ARHGAP8: variants seen among roughly 807,000 people sequenced by gnomAD.
ARHGAP8 encodes Rho GTPase activating protein 8.
Under a neutral mutation model 46.1 loss-of-function variants are expected in ARHGAP8, and 62 were observed. That is an observed-to-expected ratio of 1.34 (90% CI 1.10 to 1.66). The LOEUF (loss-of-function observed/expected upper bound fraction) is 1.66, where lower values mean the gene tolerates loss of function less well. Among genes scored for constraint, ARHGAP8 ranks in the 40% most tolerant of loss-of-function variants. The pLI is 0.00. For synonymous variants in ARHGAP8, 375 were observed against 243.1 expected (o/e 1.54, Z -5.05); for missense variants, 923 against 568.4 (o/e 1.62, Z -6.34).
At position 44,862,561 on chromosome 22, in the gene ARHGAP8, C is replaced by T. The variant is rs573395597; in HGVS notation, c.1268C>T (p.Pro423Leu). 1.4e-4 allele frequency: 228 copies of T among 1,596,754 alleles called. No homozygotes were observed. Among genetic ancestry groups the T allele is most frequent in the East Asian group, 9.7e-4 (43 of 44,454 alleles). The change falls in exon 12 of 12, where the codon CCG becomes CTG. Residue 423 changes from proline to leucine, a missense_variant. Coordinates refer to ENST00000356099, the MANE Select transcript of ARHGAP8 (RefSeq NM_181335.3). Reference protein sequence around the residue: ...ATGLTKPTLPPSPLMAARRRL With the variant: ...ATGLTKPTLPLSPLMAARRRL ...GGCCTCACCAAGCCTACCCTACCTC[C>T]GAGTCCCCTGATGGCAGCCAGAAGA...
chr22:44,856,752 C>G (rs1295123145), intron 10 of ARHGAP8, among the ~76,000 whole-genome samples: 1 of 143,422 alleles, frequency 7.0e-6, no homozygotes, highest in Admixed American at 6.7e-5. Flanking sequence ...AACAGTGACT[C>G]TTCCTGGGAG....
rs891995703 is a variant in ARHGAP8 at position 44,862,319 on chromosome 22, G to A, written c.1026G>A (p.Leu342=). Residue 342 remains leucine, a synonymous_variant, in exon 12 of 12, where the codon CTG becomes CTA. Coordinates refer to ENST00000356099, the MANE Select transcript of ARHGAP8 (RefSeq NM_181335.3). ...TCAACAAAATGAACAGCTCTAACCT[G>A]GCCTGTGTCTTCGGGCTGAATTTGA... ...SIFNKMNSSN[L]ACVFGLNLIW... The A allele has an allele frequency of 3.7e-6, 6 of 1,613,584 alleles. No homozygotes were observed. Among genetic ancestry groups the A allele is most frequent in the Non-Finnish European group, 5.1e-6 (6 of 1,179,714 alleles).
chr22:44,783,041 C>T (rs13053715), intron 1 of ARHGAP8, among the ~76,000 whole-genome samples: 133,303 of 150,078 alleles, frequency 0.89, 59,503 homozygotes, highest in Non-Finnish European at 0.94. Flanking sequence ...AGCTCCAGCC[C>T]GATACACACG....
chr22:44,763,491 CAAAAA>C (rs370437700), intron 1 of ARHGAP8, among the ~76,000 whole-genome samples: 12 of 78,506 alleles, frequency 1.5e-4, no homozygotes, highest in African/African-American at 5.1e-4. Flanking sequence ...GACTCTGTCT[CAAAAA>C]AAAAAAAAAA....
intron 1 of ARHGAP8, among the ~76,000 whole-genome samples, chr22:44,762,893 T>C (rs116660967): frequency 9.2e-5 from 14 of 152,184 alleles, no homozygotes; most frequent in African/African-American, 3.1e-4. Flanking sequence ...ATGAGGTGAC[T>C]CAAGGAGGGG....
At chr22:44,859,930 G>C in intron 11 of ARHGAP8, 96 bp downstream of exon 11, 1 of 1,427,092 alleles carries the variant, frequency 7.0e-7, no homozygotes, top group East Asian at 2.3e-5. Context: ...CCTGGGTCTG[G>C]GGTCATGCCC....
intron 1 of ARHGAP8, among the ~76,000 whole-genome samples, chr22:44,763,052 C>A (rs1312468239): frequency 6.6e-6 from 1 of 152,108 alleles, no homozygotes; most frequent in Admixed American, 6.5e-5. Flanking sequence ...CCAATGACGC[C>A]TACATAACAA....
intron 2 of ARHGAP8, among the ~76,000 whole-genome samples, chr22:44,787,037 CAA>C (rs57241720): frequency 9.5e-4 from 113 of 119,030 alleles, no homozygotes; most frequent in Non-Finnish European, 1.2e-3. Context: ...CTCAAAAAAA[CAA>C]AAAAAAAAAA....
chr22:44,774,591 T>A (rs1443487206), intron 1 of ARHGAP8, among the ~76,000 whole-genome samples: 1 of 151,492 alleles, frequency 6.6e-6, no homozygotes, highest in East Asian at 1.9e-4. Flanking sequence ...GGCACAGTCT[T>A]GGCTAATTGC....
At chr22:44,827,982 G>A (rs983150980) in intron 7 of ARHGAP8, among the ~76,000 whole-genome samples, 1 of 152,174 alleles carries the variant, frequency 6.6e-6, no homozygotes, top group Non-Finnish European at 1.5e-5. Context: ...CAGTGCTCGC[G>A]TGCGGCTAGT....
chr22:44,832,300 C>T (rs1931004263), intron 7 of ARHGAP8, among the ~76,000 whole-genome samples: 1 of 149,660 alleles, frequency 6.7e-6, no homozygotes, highest in Non-Finnish European at 1.5e-5. Flanking sequence ...AATCTTGGCG[C>T]ACTACAACCT....
Position 44,767,303 on chromosome 22 carries a change from G to A in ARHGAP8, c.-72+14676G>A, listed in dbSNP as rs1290833582. ...ATACACTCCTTATCTTGATTCAGAA[G>A]TTGGTATTGTTCATTTCGGATGCTC... is the stretch of plus-strand genomic sequence containing the variant. On this transcript the variant is annotated intron_variant, in intron 1 of 11. Coordinates refer to ENST00000356099, the MANE Select transcript of ARHGAP8 (RefSeq NM_181335.3). 2.0e-5 allele frequency among the ~76,000 whole-genome samples: 3 copies of A among 152,260 alleles called. No individual in the cohort carries two copies. In the East Asian group the frequency reaches 5.8e-4, roughly 29 times the overall value.
rs73889803 is a variant in ARHGAP8 at position 44,860,791 on chromosome 22, C to T, written c.981+957C>T. 9.7e-3 allele frequency among the ~76,000 whole-genome samples: 1,476 copies of T among 152,202 alleles called. 24 individuals are homozygous for T. Among genetic ancestry groups the T allele is most frequent in the African/African-American group, 0.032 (1,331 of 41,476 alleles). ...GGTTCAACACATCCACGTGGGTCCACCCCCAACCCCCAGACCCACGGCCTT... is the reference window on the plus strand; with the variant it reads ...GGTTCAACACATCCACGTGGGTCCATCCCCAACCCCCAGACCCACGGCCTT... On this transcript the variant is annotated intron_variant, in intron 11 of 11. Transcript: ENST00000356099.
intron 8 of ARHGAP8, among the ~76,000 whole-genome samples, chr22:44,845,812 C>T (rs1257590492): frequency 1.3e-5 from 2 of 152,122 alleles, no homozygotes; most frequent in Non-Finnish European, 2.9e-5. Context: ...CTCCACAGCT[C>T]CTGAGGCTAG....
At chr22:44,841,996 A>G (rs1039576271) in intron 7 of ARHGAP8, among the ~76,000 whole-genome samples, 2 of 152,216 alleles carry the variant, frequency 1.3e-5, no homozygotes, top group South Asian at 4.1e-4. Context: ...TCTGCTTCTC[A>G]TCCTCCCCCA....
At chr22:44,774,669 C>T (rs1481943095) in intron 1 of ARHGAP8, among the ~76,000 whole-genome samples, 4 of 151,766 alleles carry the variant, frequency 2.6e-5, no homozygotes, top group Admixed American at 6.6e-5. Context: ...ATTACAGGCA[C>T]CCGCCACCAC....
chr22:44,844,359 G>T (rs543963061), intron 7 of ARHGAP8, among the ~76,000 whole-genome samples: 51 of 152,304 alleles, frequency 3.3e-4, no homozygotes, highest in African/African-American at 1.2e-3. Context: ...AAAAGGAACA[G>T]ATAACAAATA....
intron 4 of ARHGAP8, 106 bp downstream of exon 4, chr22:44,808,544 G>C (rs1488593794): frequency 2.6e-6 from 4 of 1,524,636 alleles, no homozygotes; most frequent in African/African-American, 1.4e-5. Flanking sequence ...GAGGGGTCTG[G>C]TAGGGCGGAG....
chr22:44,848,040 C>T lies in ARHGAP8; in HGVS notation c.738C>T (p.Leu246=), dbSNP rs139004299. ...SVQTVREIQR[L]YNQGKPVNFD... ...AGACCGTCCGCGAGATCCAGAGGCT[C>T]TACAACCAAGGTGAGGGTGTCCCGC... Residue 246 remains leucine (L), a synonymous_variant, in exon 9 of 12, where the codon CTC becomes CTT. Coordinates refer to ENST00000356099, the MANE Select transcript of ARHGAP8 (RefSeq NM_181335.3). The T allele has an allele frequency of 4.4e-6, 7 of 1,606,970 alleles. No individual in the cohort carries two copies. Among genetic ancestry groups the T allele is most frequent in the African/African-American group, 1.3e-5 (1 of 75,056 alleles).
Sources: allele counts gnomAD v4.1 joint callset (sites outside exome capture counted in the v4.1 genomes callset), GRCh38; gene constraint gnomAD v4.1.1; transcripts MANE v1.5; gene names NCBI Gene and HGNC (gene_info 2026-07-23, HGNC 2026-07-21).